Variants in STK3 observed in about 807,000 individuals in gnomAD.
The protein encoded by STK3 is serine/threonine kinase 3.
A neutral mutation model predicts 58.0 loss-of-function variants in STK3; 41 were observed. The ratio of observed to expected loss-of-function variants is 0.71; its 90% CI spans 0.55 to 0.92. The LOEUF (loss-of-function observed/expected upper bound fraction) is 0.92. Among genes scored for constraint, STK3 ranks in the 40% least tolerant of loss-of-function variants. The pLI is 0.00. For missense variants in STK3, 479 were observed against 602.7 expected (o/e 0.79, Z 2.15); for synonymous variants, 170 against 191.0 (o/e 0.89, Z 0.91).
rs187073072 is a variant in STK3, at chr8:98,939,950, C to T, written c.-79+2428G>A. Among the ~76,000 whole-genome samples, 300 of 152,344 alleles carry T rather than the reference C, an allele frequency of 2.0e-3. 1 individual carries two copies. The highest frequency in any genetic ancestry group is 3.4e-3 in the Non-Finnish European group (228 of 68,026). On this transcript the variant is annotated intron_variant, in intron 1 of 1. Coordinates refer to the STK3 transcript ENST00000519420. ...TCGGTAAACCTGGTCTTCCTTGTCA[C>T]GGACACTGAAGCGCTTGGTTCGAAA...
At chr8:98,885,615 T>C (rs1209373072) in intron 1 of STK3, among the ~76,000 whole-genome samples, 2 of 152,182 alleles carry the variant, frequency 1.3e-5, no homozygotes, top group African/African-American at 4.8e-5. Flanking sequence ...ATTTTTTGTA[T>C]TTTTAGTGGA....
chr8:98,441,381 C>G (rs574023623), intron 1 of STK3, among the ~76,000 whole-genome samples: 1 of 152,276 alleles, frequency 6.6e-6, no homozygotes, highest in Admixed American at 6.5e-5. Flanking sequence ...CATTCTTTTT[C>G]ACTGCACAGT....
intron 6 of STK3, among the ~76,000 whole-genome samples, chr8:98,690,709 T>C (rs547913804): frequency 6.6e-6 from 1 of 152,220 alleles, no homozygotes; most frequent in African/African-American, 2.4e-5. Context: ...CCAAAATTTA[T>C]ATGGAACCAA....
intron 1 of STK3, among the ~76,000 whole-genome samples, chr8:98,892,581 C>T (rs1251489066): frequency 6.6e-6 from 1 of 152,150 alleles, no homozygotes; most frequent in African/African-American, 2.4e-5. Context: ...CTTTTGCTTC[C>T]AGGCCTTTGT....
At chr8:98,727,929 G>C (rs75029077) in intron 4 of STK3, among the ~76,000 whole-genome samples, 6,766 of 152,182 alleles carry the variant, frequency 0.044, 158 homozygotes, top group East Asian at 0.063. Context: ...AAAATCAATG[G>C]TTTCGAGAAA....
chr8:98,767,506 C>A, intron 2 of STK3, 135 bp from the exon 3 acceptor site: 2 of 822,744 alleles, frequency 2.4e-6, no homozygotes, highest in East Asian at 6.2e-5. Flanking sequence ...TCAAAGTAAA[C>A]AAGTAACAAT....
intron 6 of STK3, among the ~76,000 whole-genome samples, chr8:98,617,438 C>A (rs1184459974): frequency 7.5e-6 from 1 of 133,676 alleles, no homozygotes; most frequent in Non-Finnish European, 1.6e-5. Flanking sequence ...CAAAAGCTAG[C>A]AGAAGGCAAG....
chr8:98,733,084 G>C (rs1828324046), intron 4 of STK3, among the ~76,000 whole-genome samples: 1 of 152,094 alleles, frequency 6.6e-6, no homozygotes, highest in South Asian at 2.1e-4. Context: ...TAAAATTTGA[G>C]CATATCATTG....
chr8:98,561,079 C>G lies in STK3; in HGVS notation c.949-12918G>C, dbSNP rs183685267. Among the ~76,000 whole-genome samples the G allele has an allele frequency of 1.3e-4, 20 of 152,016 alleles. No homozygotes were observed. The East Asian group carries it at 3.7e-3, about 28-fold the overall frequency. ...AAAAGAAAATTGGAAGATTCAGTGT[C>G]CAATCTTAAAACTTCTATAACACTA... On this transcript the variant is annotated intron_variant, in intron 8 of 10. Coordinates refer to ENST00000419617, the MANE Select transcript of STK3 (RefSeq NM_006281.4).
At chr8:98,491,844 C>A (rs181453958) in intron 10 of STK3, among the ~76,000 whole-genome samples, 1 of 152,186 alleles carries the variant, frequency 6.6e-6, no homozygotes, top group East Asian at 1.9e-4. Flanking sequence ...AAAAGAAAAC[C>A]TTTTATGTTA....
At chr8:98,583,214 T>C (rs530070421) in intron 7 of STK3, among the ~76,000 whole-genome samples, 1 of 152,338 alleles carries the variant, frequency 6.6e-6, no homozygotes, top group East Asian at 1.9e-4. Context: ...CCAATACCAT[T>C]GAATACAATT....
intron 6 of STK3, among the ~76,000 whole-genome samples, chr8:98,621,159 C>T (rs955132164): frequency 2.6e-5 from 4 of 152,182 alleles, no homozygotes; most frequent in African/African-American, 9.6e-5. Flanking sequence ...CCGGGATGGT[C>T]TCGATCTCCT....
intron 6 of STK3, among the ~76,000 whole-genome samples, chr8:98,656,758 TTTA>T (rs748112997): frequency 2.7e-4 from 41 of 152,258 alleles, no homozygotes; most frequent in Non-Finnish European, 5.4e-4. Flanking sequence ...TATAGAAAGA[TTTA>T]TTGTTTATAA....
chr8:98,688,267 T>A (rs1440948376), intron 6 of STK3, among the ~76,000 whole-genome samples: 1 of 152,214 alleles, frequency 6.6e-6, no homozygotes, highest in African/African-American at 2.4e-5. Context: ...CCCAGATTTA[T>A]GAAAACAATT....
chr8:98,531,485 A>T (rs1826169599), intron 9 of STK3, among the ~76,000 whole-genome samples: 1 of 152,208 alleles, frequency 6.6e-6, no homozygotes, highest in Non-Finnish European at 1.5e-5. Flanking sequence ...GCTGCCATCC[A>T]GGCTTCATTA....
intron 8 of STK3, among the ~76,000 whole-genome samples, chr8:98,553,750 T>C (rs915238191): frequency 2.6e-5 from 4 of 152,028 alleles, no homozygotes; most frequent in Admixed American, 6.6e-5. Flanking sequence ...GATCACCTGA[T>C]GGCAGGATTT....
intron 1 of STK3, among the ~76,000 whole-genome samples, chr8:98,896,726 C>T (rs1005086213): frequency 6.6e-6 from 1 of 152,154 alleles, no homozygotes; most frequent in African/African-American, 2.4e-5. Context: ...TGCCTGTAAT[C>T]CCAGCACTTT....
chr8:98,674,936 A>G (rs2130862131), intron 6 of STK3, among the ~76,000 whole-genome samples: 1 of 152,350 alleles, frequency 6.6e-6, no homozygotes, highest in East Asian at 1.9e-4. Context: ...TATAAACAAC[A>G]AAAGAGAAAA....
At chr8:98,648,128 C>A (rs938458123) in intron 6 of STK3, among the ~76,000 whole-genome samples, 1 of 152,188 alleles carries the variant, frequency 6.6e-6, no homozygotes, top group African/African-American at 2.4e-5. Flanking sequence ...TCACTCCATA[C>A]CTTCTTCTCC....
Sources: allele counts gnomAD v4.1 joint callset (sites outside exome capture counted in the v4.1 genomes callset), GRCh38; gene constraint gnomAD v4.1.1; transcripts MANE v1.5; gene names NCBI Gene and HGNC (gene_info 2026-07-23, HGNC 2026-07-21).